TESK2: variants seen among roughly 807,000 people sequenced by gnomAD.
TESK2 encodes the protein dual specificity testis-specific protein kinase 2.
TESK2 carries 39 observed loss-of-function variants against 57.1 expected under a neutral mutation model. That is an observed-to-expected ratio of 0.68 (90% CI 0.53 to 0.89). TESK2 has a LOEUF of 0.89. Among genes scored for constraint, TESK2 ranks in the 40% least tolerant of loss-of-function variants. The pLI is 0.00. For synonymous variants in TESK2, 249 were observed against 267.9 expected, an observed-to-expected ratio of 0.93 and a Z score of 0.69; for missense variants, 646 against 732.1, an observed-to-expected ratio of 0.88 and a Z score of 1.36.
chr1:45,441,181 T>C (rs923311036), intron 2 of TESK2, among the ~76,000 whole-genome samples: 3 of 152,228 alleles, frequency 2.0e-5, no homozygotes, highest in African/African-American at 7.2e-5. Flanking sequence ...TTTGTTTGTT[T>C]GTTTTTTGAG....
At chr1:45,377,263 A>T (rs1384429149) in intron 4 of TESK2, among the ~76,000 whole-genome samples, 1 of 152,118 alleles carries the variant, frequency 6.6e-6, no homozygotes, top group Non-Finnish European at 1.5e-5. Context: ...TGAGGCATGA[A>T]ATAATATTAT....
chr1:45,437,382 T>C (rs1476252044), intron 2 of TESK2, among the ~76,000 whole-genome samples: 1 of 152,224 alleles, frequency 6.6e-6, no homozygotes, highest in Non-Finnish European at 1.5e-5. Flanking sequence ...ATAGAAATGC[T>C]GATTTTTGTG....
chr1:45,402,088 AAAG>A (rs1415770539), intron 3 of TESK2, among the ~76,000 whole-genome samples: 1 of 151,124 alleles, frequency 6.6e-6, no homozygotes, highest in African/African-American at 2.4e-5. Context: ...CATTAAAAAA[AAAG>A]AAAAGAAAAG....
intron 4 of TESK2, among the ~76,000 whole-genome samples, chr1:45,368,085 C>G (rs1259152332): frequency 6.7e-6 from 1 of 150,358 alleles, no homozygotes; most frequent in African/African-American, 2.5e-5. Flanking sequence ...ACCTCCGCCT[C>G]CTGGGTTCAA....
intron 3 of TESK2, among the ~76,000 whole-genome samples, chr1:45,388,569 C>T (rs577175971): frequency 1.3e-5 from 2 of 152,176 alleles, no homozygotes; most frequent in South Asian, 2.1e-4. Flanking sequence ...ATAGTTGTGA[C>T]AGAGACTGTG....
intron 4 of TESK2, among the ~76,000 whole-genome samples, chr1:45,373,464 T>C (rs1648285398): frequency 6.6e-6 from 1 of 152,250 alleles, no homozygotes; most frequent in African/African-American, 2.4e-5. Context: ...ATTGAGCAGC[T>C]ACTTGTGCCT....
intron 9 of TESK2, among the ~76,000 whole-genome samples, chr1:45,346,304 C>G (rs1647142875): frequency 6.6e-6 from 1 of 152,188 alleles, no homozygotes; most frequent in Non-Finnish European, 1.5e-5. Context: ...ACAAAGCCCA[C>G]CTACCCCTTG....
intron 4 of TESK2, among the ~76,000 whole-genome samples, chr1:45,376,075 A>C (rs1223191931): frequency 6.6e-6 from 1 of 152,218 alleles, no homozygotes; most frequent in Non-Finnish European, 1.5e-5. Context: ...AAGCAAAAAA[A>C]TTAAATAAAA....
intron 1 of TESK2, among the ~76,000 whole-genome samples, chr1:45,476,237 T>A (rs558205077): frequency 1.3e-5 from 2 of 152,088 alleles, no homozygotes; most frequent in African/African-American, 2.4e-5. Flanking sequence ...CCAGGCACAA[T>A]GGCTCACACC....
At chr1:45,396,163 A>C (rs2492835) in intron 3 of TESK2, among the ~76,000 whole-genome samples, 1 of 152,170 alleles carries the variant, frequency 6.6e-6, no homozygotes, top group African/African-American at 2.4e-5. Context: ...CCAGGCTAGA[A>C]TGCAGCAGCG....
chr1:45,433,398 C>A (rs1056417181), intron 2 of TESK2, among the ~76,000 whole-genome samples: 8 of 151,732 alleles, frequency 5.3e-5, no homozygotes, highest in Non-Finnish European at 8.8e-5. Flanking sequence ...CACTTTCTAT[C>A]CAACTATATG....
At chr1:45,387,018 T>C (rs1283627227) in intron 3 of TESK2, among the ~76,000 whole-genome samples, 1 of 152,164 alleles carries the variant, frequency 6.6e-6, no homozygotes, top group Non-Finnish European at 1.5e-5. Flanking sequence ...GGGTTCATTA[T>C]ATCATTCTTA....
intron 2 of TESK2, among the ~76,000 whole-genome samples, chr1:45,440,260 C>T (rs940854330): frequency 6.6e-6 from 1 of 151,402 alleles, no homozygotes; most frequent in African/African-American, 2.4e-5. Flanking sequence ...CAAGGCCCCC[C>T]CAAAAAAAGG....
intron 4 of TESK2, among the ~76,000 whole-genome samples, chr1:45,369,658 G>C (rs1338618819): frequency 6.6e-6 from 1 of 152,044 alleles, no homozygotes; most frequent in African/African-American, 2.4e-5. Flanking sequence ...AATCAGGAAA[G>C]GTTTTATGGG....
At chr1:45,490,366 G>A (rs938899820) in intron 1 of TESK2, among the ~76,000 whole-genome samples, 6 of 152,184 alleles carry the variant, frequency 3.9e-5, no homozygotes, top group Non-Finnish European at 8.8e-5. Context: ...GATGACAAGC[G>A]AGGAAAGAAG....
intron 3 of TESK2, among the ~76,000 whole-genome samples, chr1:45,411,158 T>C (rs1650026757): frequency 6.6e-6 from 1 of 152,208 alleles, no homozygotes; most frequent in Non-Finnish European, 1.5e-5. Flanking sequence ...ACTGCTCCTA[T>C]AGATAACATC....
At chr1:45,482,236 G>A (rs1051815097) in intron 1 of TESK2, among the ~76,000 whole-genome samples, 2 of 152,154 alleles carry the variant, frequency 1.3e-5, no homozygotes, top group East Asian at 1.9e-4. Context: ...GACATTATAC[G>A]AAAAAGTTGG....
intron 3 of TESK2, chr1:45,415,171 G>C (rs1204907977): frequency 3.3e-6 from 5 of 1,520,418 alleles, no homozygotes; most frequent in Non-Finnish European, 4.5e-6. Flanking sequence ...GGTTATAAGG[G>C]TTCCTGCTTT....
At chr1:45,361,007 AG>A (rs1388977724) in intron 4 of TESK2, among the ~76,000 whole-genome samples, 2 of 152,188 alleles carry the variant, frequency 1.3e-5, no homozygotes, top group Non-Finnish European at 1.5e-5. Context: ...TAGTAGAGAC[AG>A]GGTTTTCCCA....
Sources: gnomAD v4.1 joint callset for allele counts (sites outside exome capture counted in the v4.1 genomes callset) on GRCh38, gnomAD v4.1.1 for gene constraint, MANE v1.5 for transcripts, NCBI Gene and HGNC (gene_info 2026-07-23, HGNC 2026-07-21) for gene names.